The following PDGFC variants were observed in gnomAD, a reference collection of about 807,000 sequenced individuals.
The protein encoded by PDGFC is platelet-derived growth factor C.
In PDGFC, 12 loss-of-function variants were observed where a neutral mutation model predicts 35.5. The observed-to-expected ratio is 0.34, with a 90% CI of 0.22 to 0.55. The LOEUF (loss-of-function observed/expected upper bound fraction) is 0.55, where lower values mean the gene tolerates loss of function less well. Ranked by LOEUF, PDGFC falls within the 20% of genes least tolerant of loss-of-function variation. PDGFC has a pLI of 0.91. For synonymous variants in PDGFC, 159 were observed against 148.8 expected (o/e 1.07, Z -0.50); for missense variants, 322 against 412.4 (o/e 0.78, Z 1.90).
At chr4:156,787,187 T>C (rs1030797098) in intron 3 of PDGFC, among the ~76,000 whole-genome samples, 1 of 152,122 alleles carries the variant, frequency 6.6e-6, no homozygotes, top group African/African-American at 2.4e-5. Context: ...ATTGTCATAA[T>C]TCCAGTTGAG....
chr4:156,934,492 T>C (rs567271973), intron 1 of PDGFC, among the ~76,000 whole-genome samples: 178 of 151,626 alleles, frequency 1.2e-3, no homozygotes, highest in Non-Finnish European at 1.9e-3. Context: ...AGCACATTAC[T>C]GTACACTTTT....
intron 1 of PDGFC, among the ~76,000 whole-genome samples, chr4:156,914,408 G>T (rs1731110807): frequency 6.6e-6 from 1 of 152,066 alleles, no homozygotes. Flanking sequence ...ATTGTTTGAT[G>T]AACCCCTTAG....
intron 2 of PDGFC, among the ~76,000 whole-genome samples, chr4:156,830,201 C>T (rs766286711): frequency 1.0e-4 from 15 of 150,002 alleles, no homozygotes; most frequent in Non-Finnish European, 1.9e-4. Flanking sequence ...TTAAAATATA[C>T]AGCAAATACA....
At chr4:156,768,346 C>T (rs578219862) in intron 4 of PDGFC, among the ~76,000 whole-genome samples, 1 of 150,546 alleles carries the variant, frequency 6.6e-6, no homozygotes, top group East Asian at 1.9e-4. Context: ...ATGGAGAACA[C>T]AGGAGAGAAG....
At chr4:156,773,993 C>T (rs1445077755) in intron 3 of PDGFC, among the ~76,000 whole-genome samples, 3 of 152,152 alleles carry the variant, frequency 2.0e-5, no homozygotes, top group Non-Finnish European at 4.4e-5. Context: ...TAAATAGCAG[C>T]TTCTAACCTT....
intron 1 of PDGFC, among the ~76,000 whole-genome samples, chr4:156,899,833 A>C (rs1730723550): frequency 6.6e-6 from 1 of 152,172 alleles, no homozygotes; most frequent in African/African-American, 2.4e-5. Flanking sequence ...AATTCATTAA[A>C]ATTATTTTTC....
At chr4:156,820,802 A>T (rs1334237640) in intron 2 of PDGFC, among the ~76,000 whole-genome samples, 17 of 152,202 alleles carry the variant, frequency 1.1e-4, no homozygotes, top group Admixed American at 1.1e-3. Flanking sequence ...GTAAACTGTG[A>T]ATAGCATAAA....
chr4:156,905,860 C>T (rs558639997), intron 1 of PDGFC, among the ~76,000 whole-genome samples: 22 of 152,060 alleles, frequency 1.4e-4, no homozygotes, highest in Admixed American at 3.9e-4. Flanking sequence ...AATAAAGCAA[C>T]ATAATTGCCA....
chr4:156,960,983 G>T (rs1428118780), intron 1 of PDGFC, among the ~76,000 whole-genome samples: 2 of 151,996 alleles, frequency 1.3e-5, no homozygotes, highest in Non-Finnish European at 2.9e-5. Flanking sequence ...AACACTGCAG[G>T]TTTCCCCCTT....
intron 2 of PDGFC, among the ~76,000 whole-genome samples, chr4:156,837,346 G>A (rs115463359): frequency 1.9e-3 from 295 of 152,180 alleles, no homozygotes; most frequent in African/African-American, 6.6e-3. Context: ...GCCACTGCAC[G>A]GCAGCCTGGT....
chr4:156,815,923 C>T (rs1732074103), intron 2 of PDGFC, among the ~76,000 whole-genome samples: 2 of 152,184 alleles, frequency 1.3e-5, no homozygotes, highest in Admixed American at 1.3e-4. Context: ...TTCTCTAACA[C>T]ACCCCTGGGG....
chr4:156,901,584 G>A (rs1220208431), intron 1 of PDGFC, among the ~76,000 whole-genome samples: 1 of 150,824 alleles, frequency 6.6e-6, no homozygotes, highest in African/African-American at 2.5e-5. Flanking sequence ...GCAATGGCCG[G>A]GTATCTATTT....
chr4:156,848,522 C>T (rs548119207), intron 2 of PDGFC, among the ~76,000 whole-genome samples: 9 of 152,014 alleles, frequency 5.9e-5, no homozygotes, highest in Admixed American at 5.2e-4. Flanking sequence ...AAATATTATA[C>T]GTCAAAGACA....
intron 1 of PDGFC, among the ~76,000 whole-genome samples, chr4:156,882,865 A>C (rs1043838202): frequency 6.6e-6 from 1 of 152,120 alleles, no homozygotes; most frequent in Non-Finnish European, 1.5e-5. Flanking sequence ...CAGGCAGATC[A>C]TAAGGTCAGG....
chr4:156,882,784 A>C (rs1730274071), intron 1 of PDGFC, among the ~76,000 whole-genome samples: 1 of 152,148 alleles, frequency 6.6e-6, no homozygotes, highest in Non-Finnish European at 1.5e-5. Flanking sequence ...CAAAAATTTA[A>C]CTTAGAAAAT....
intron 1 of PDGFC, 76 bp from the exon 2 acceptor site, chr4:156,850,492 T>A: frequency 1.3e-6 from 1 of 766,006 alleles, no homozygotes; most frequent in Non-Finnish European, 2.0e-6. Flanking sequence ...TGTTTATTAT[T>A]CACACTTTAC....
At chr4:156,836,089 G>A (rs1729056382) in intron 2 of PDGFC, 1 of 152,134 alleles carries the variant, frequency 6.6e-6, no homozygotes, top group African/African-American at 2.4e-5. Context: ...ATAAAAAGGA[G>A]TATGACATAA....
At chr4:156,793,534 C>CATATATATATATAT (rs66571528) in intron 3 of PDGFC, among the ~76,000 whole-genome samples, 17 of 130,616 alleles carry the variant, frequency 1.3e-4, no homozygotes, top group African/African-American at 4.3e-4. Flanking sequence ...GAATTATGTG[C>CATATATATATATAT]ATATATATAT....
intron 4 of PDGFC, among the ~76,000 whole-genome samples, chr4:156,768,907 T>C (rs1161179951): frequency 6.6e-6 from 1 of 151,984 alleles, no homozygotes; most frequent in Admixed American, 6.6e-5. Context: ...CGAAATAACA[T>C]GCCATGTTCA....
Sources: gnomAD v4.1 joint callset for allele counts (sites outside exome capture counted in the v4.1 genomes callset) on GRCh38, gnomAD v4.1.1 for gene constraint, MANE v1.5 for transcripts, NCBI Gene and HGNC (gene_info 2026-07-23, HGNC 2026-07-21) for gene names.